SLC12A1: variants seen among roughly 807,000 people sequenced by gnomAD.
SLC12A1 encodes the protein Na-K-2Cl cotransporter.
In SLC12A1, 89 loss-of-function variants were observed where a neutral mutation model predicts 130.4. That is an observed-to-expected ratio of 0.68 (90% CI 0.58 to 0.81). The LOEUF is 0.81. SLC12A1 is among the 40% of genes least tolerant of loss of function. SLC12A1 has a pLI of 0.00. For missense variants in SLC12A1, 1,310 were observed against 1,336.4 expected, an observed-to-expected ratio of 0.98 and a Z score of 0.31; for synonymous variants, 499 against 460.0, an observed-to-expected ratio of 1.08 and a Z score of -1.09.
At chr15:48,279,771 CA>C (rs1454761881) in intron 20 of SLC12A1, among the ~76,000 whole-genome samples, 1 of 152,174 alleles carries the variant, frequency 6.6e-6, no homozygotes, top group Non-Finnish European at 1.5e-5. Context: ...CATGTAAGTA[CA>C]GCATGATTTG....
At chr15:48,226,803 G>T (rs2041294853) in intron 5 of SLC12A1, 1 of 595,648 alleles carries the variant, frequency 1.7e-6, no homozygotes, top group African/African-American at 1.9e-5. Context: ...CCTTACAGAT[G>T]TGCACCTTCC....
In SLC12A1 at chr15:48,241,533, C is replaced by T. The variant is rs138903625; in HGVS notation, c.1234C>T (p.Pro412Ser). The change falls in exon 10 of 27, where the codon CCC (proline) becomes TCC (serine). Residue 412 changes from proline (P) to serine (S), a missense_variant. Transcript: ENST00000380993. Reference protein sequence around the residue: ...GDLEDPQDAIPRGTMLAIFIT... With the variant: ...GDLEDPQDAISRGTMLAIFIT... ...TTTAAAGGATCCCCAAGATGCCATCCCCAGAGGAACCATGCTGGCCATTTT... is the reference window on the plus strand; with the variant it reads ...TTTAAAGGATCCCCAAGATGCCATCTCCAGAGGAACCATGCTGGCCATTTT... 1.1e-5 allele frequency: 18 copies of T among 1,613,388 alleles called. No homozygotes were observed. In the African/African-American group the frequency reaches 2.3e-4, roughly 20 times the overall value.
chr15:48,206,998 CAT>C (rs1379126694), intron 1 of SLC12A1, among the ~76,000 whole-genome samples: 1 of 152,080 alleles, frequency 6.6e-6, no homozygotes, highest in Admixed American at 6.5e-5. Flanking sequence ...TATTCTAAAA[CAT>C]AATTTTTTAC....
chr15:48,228,266 C>T (rs1360393503), intron 5 of SLC12A1: 1 of 152,486 alleles, frequency 6.6e-6, no homozygotes, highest in Non-Finnish European at 1.5e-5. Flanking sequence ...CAGAAGTATG[C>T]AACTATATAT....
intron 26 of SLC12A1, 98 bp from the exon 27 acceptor site, chr15:48,302,652 T>TAAAAAA (rs2042248872): frequency 5.9e-6 from 2 of 338,082 alleles, no homozygotes; most frequent in African/African-American, 2.5e-5. Flanking sequence ...AAAAAAAAAT[T>TAAAAAA]AAGGCTGCCA....
chr15:48,289,261 G>T (rs1048478009), intron 23 of SLC12A1, among the ~76,000 whole-genome samples: 1 of 151,082 alleles, frequency 6.6e-6, no homozygotes, highest in African/African-American at 2.4e-5. Flanking sequence ...AGTCCCTCAG[G>T]GCACTGAGGG....
chr15:48,245,473 A>G (rs926438269), intron 11 of SLC12A1, among the ~76,000 whole-genome samples: 2 of 152,060 alleles, frequency 1.3e-5, no homozygotes, highest in Non-Finnish European at 2.9e-5. Context: ...CTCTATGTTC[A>G]TGAGTACTCA....
At chr15:48,232,872 T>G in intron 8 of SLC12A1, 34 bp downstream of exon 8, 3 of 1,256,616 alleles carry the variant, frequency 2.4e-6, no homozygotes, top group Non-Finnish European at 3.5e-6. Context: ...TTTCATTAAA[T>G]ACTTCTCCAT....
chr15:48,212,526 C>G (rs1423236134), intron 2 of SLC12A1, among the ~76,000 whole-genome samples: 1 of 152,140 alleles, frequency 6.6e-6, no homozygotes, highest in East Asian at 1.9e-4. Context: ...AATCTAGTGC[C>G]TTTACTTTGT....
rs763512786 is a variant in SLC12A1, at chr15:48,208,091, C to T, written c.372C>T (p.Pro124=). The change falls in exon 2 of 27, where the codon CCC becomes CCT. Residue 124 remains proline (P), a synonymous_variant. Transcript: ENST00000380993. ...GTAACACCGGCAGCATCAGTGGGCC[C>T]AAGGTCAACCGACCCAGCCTGCTTG... is the stretch of plus-strand genomic sequence containing the variant. ...YYRNTGSISG[P]KVNRPSLLEI... is the part of the protein sequence containing the mutation. The T allele has an allele frequency of 5.6e-6, 9 of 1,610,108 alleles. No individual in the cohort carries two copies. The highest frequency in any genetic ancestry group is 7.6e-6 in the Non-Finnish European group (9 of 1,177,498).
intron 20 of SLC12A1, among the ~76,000 whole-genome samples, chr15:48,279,189 G>C (rs114288445): frequency 1.2e-4 from 19 of 152,242 alleles, no homozygotes; most frequent in African/African-American, 4.3e-4. Flanking sequence ...TGTAATTTAC[G>C]ACACAAACCT....
intron 9 of SLC12A1, among the ~76,000 whole-genome samples, chr15:48,239,627 T>C (rs1485163116): frequency 1.3e-5 from 2 of 152,162 alleles, no homozygotes; most frequent in East Asian, 3.9e-4. Context: ...CAGTTGCAAA[T>C]AAAAACTAAG....
At chr15:48,272,358 C>T (rs2041906956) in intron 19 of SLC12A1, among the ~76,000 whole-genome samples, 1 of 152,140 alleles carries the variant, frequency 6.6e-6, no homozygotes. Context: ...TAGTATTTTA[C>T]CATTTTTCTT....
Position 48,259,328 on chromosome 15 carries a change from C to G in SLC12A1, c.2154+17C>G. Reference sequence around the variant, plus strand: ...GTCTTTGTGGTAAGAGCCACTTCACCCCAGGGAAGTCCTTTTTCCTCCCTG... The same window carrying G: ...GTCTTTGTGGTAAGAGCCACTTCACGCCAGGGAAGTCCTTTTTCCTCCCTG... On this transcript the variant is annotated intron_variant, in intron 17 of 26. Transcript: ENST00000380993. The G allele has an allele frequency of 6.7e-7, 1 of 1,497,080 alleles. No individual in the cohort carries two copies. The highest frequency in any genetic ancestry group is 1.1e-5 in the South Asian group (1 of 88,802). The allele number at this position is 1,497,080 out of a possible 1,614,324, so 92.7% of individuals were successfully genotyped here.
At chr15:48,232,946 C>T (rs1243874738) in intron 8 of SLC12A1, 108 bp downstream of exon 8, 9 of 702,122 alleles carry the variant, frequency 1.3e-5, no homozygotes, top group Non-Finnish European at 2.0e-5. Flanking sequence ...GCTCCCCTTT[C>T]AAGTTACTTG....
intron 11 of SLC12A1, 151 bp from the exon 12 acceptor site, chr15:48,246,758 C>T (rs1047565577): frequency 1.0e-5 from 7 of 697,854 alleles, no homozygotes; most frequent in Admixed American, 4.0e-5. Flanking sequence ...CCAGCCTGGG[C>T]GATAGAGCGA....
chr15:48,261,742 T>C (rs2041777437), intron 17 of SLC12A1, among the ~76,000 whole-genome samples: 1 of 152,182 alleles, frequency 6.6e-6, no homozygotes, highest in Admixed American at 6.5e-5. Flanking sequence ...ATAGTGATGA[T>C]AATAAGAGAA....
At chr15:48,248,167 T>C (rs139508640) in intron 13 of SLC12A1, among the ~76,000 whole-genome samples, 2 of 152,174 alleles carry the variant, frequency 1.3e-5, no homozygotes, top group Non-Finnish European at 2.9e-5. Flanking sequence ...GAGCCACACA[T>C]AGGCGGGCAG....
At chr15:48,230,371 A>C in intron 6 of SLC12A1, 22 bp from the exon 7 acceptor site, 1 of 1,471,046 alleles carries the variant, frequency 6.8e-7, no homozygotes, top group Non-Finnish European at 9.5e-7. Flanking sequence ...ATCTCTAAGC[A>C]CTTAATAATT....
Sources: gnomAD v4.1 joint callset for allele counts (sites outside exome capture counted in the v4.1 genomes callset) on GRCh38, gnomAD v4.1.1 for gene constraint, MANE v1.5 for transcripts, NCBI Gene and HGNC (gene_info 2026-07-23, HGNC 2026-07-21) for gene names.